The following USP32 variants were observed in gnomAD, a reference collection of about 807,000 sequenced individuals.
USP32 encodes ubiquitin specific peptidase 32.
USP32 carries 59 observed loss-of-function variants against 204.8 expected under a neutral mutation model. The ratio of observed to expected loss-of-function variants is 0.29; its 90% confidence interval spans 0.23 to 0.36. The LOEUF (loss-of-function observed/expected upper bound fraction) is 0.36. USP32 is among the 10% of genes least tolerant of loss of function. The pLI is 1.00. For missense variants in USP32, 1,160 were observed against 1,946.4 expected (o/e 0.60, Z 7.60); for synonymous variants, 517 against 678.4 (o/e 0.76, Z 3.70).
chr17:60,249,763 T>C (rs2086120845), intron 11 of USP32: 1 of 700,946 alleles, frequency 1.4e-6, no homozygotes, highest in Non-Finnish European at 2.6e-6. Context: ...CCTGAAATGG[T>C]TGTTTGACAA....
intron 6 of USP32, 103 bp downstream of exon 6, chr17:60,271,247 T>C (rs1598174531): frequency 1.0e-5 from 15 of 1,432,578 alleles, no homozygotes; most frequent in Admixed American, 2.2e-5. Context: ...TGCAAACATA[T>C]GAGAAGATGG....
Position 60,391,862 on chromosome 17 carries a change from C to T in USP32, c.58+20G>A, listed in dbSNP as rs753162595. 1.2e-6 allele frequency: 2 copies of T among 1,604,474 alleles called. 1 individual carries two copies. Among genetic ancestry groups the T allele is most frequent in the South Asian group, 2.2e-5 (2 of 89,490 alleles). ...GTCGCGGGCCTCCCAGGCAGCTCGC[C>T]CAGACCCCTCCCCCCTCACCTCTCC... is the stretch of plus-strand genomic sequence containing the variant. On this transcript the variant is annotated intron_variant, in intron 1 of 33. Coordinates refer to ENST00000300896, the MANE Select transcript of USP32 (RefSeq NM_032582.4).
At chr17:60,249,013 T>C (rs1464115422) in intron 11 of USP32, 12 of 152,230 alleles carry the variant, frequency 7.9e-5, no homozygotes, top group Admixed American at 7.9e-4. Context: ...TATCTTCCGG[T>C]ACAGTATCTT....
At chr17:60,370,317 G>A (rs1251561940) in intron 1 of USP32, among the ~76,000 whole-genome samples, 1 of 151,684 alleles carries the variant, frequency 6.6e-6, no homozygotes, top group Non-Finnish European at 1.5e-5. Context: ...ACCAAAAATG[G>A]GAAAGGTTCT....
chr17:60,413,505 A>T (rs1326643843), intron 1 of USP32, among the ~76,000 whole-genome samples: 1 of 152,148 alleles, frequency 6.6e-6, no homozygotes, highest in Non-Finnish European at 1.5e-5. Context: ...CAGGTGGATT[A>T]AAAAAATTTT....
chr17:60,389,593 T>C (rs1598310396), intron 1 of USP32, among the ~76,000 whole-genome samples: 1 of 143,354 alleles, frequency 7.0e-6, no homozygotes, highest in East Asian at 1.9e-4. Flanking sequence ...AATTCTATAT[T>C]AAAGTCTGAC....
chr17:60,266,203 TATTCTGGAACAGTTCTC>T (rs1598166538), intron 7 of USP32, 112 bp from the exon 8 acceptor site: 1 of 740,252 alleles, frequency 1.4e-6, no homozygotes, highest in East Asian at 2.6e-5. Context: ...CAAGTATATG[TATTCTGGAACAGTTCTC>T]ATCTGTAATA....
intron 12 of USP32, 119 bp from the exon 13 acceptor site, chr17:60,226,350 A>G (rs2085387638): frequency 1.2e-6 from 1 of 842,762 alleles, no homozygotes; most frequent in African/African-American, 1.8e-5. Context: ...GGCCACAGAC[A>G]TTTAAAAACA....
At chr17:60,312,102 T>C (rs149731162) in intron 2 of USP32, among the ~76,000 whole-genome samples, 2 of 152,334 alleles carry the variant, frequency 1.3e-5, no homozygotes, top group Non-Finnish European at 2.9e-5. Flanking sequence ...TGGGCCTTAG[T>C]TGCAGTCCAT....
chr17:60,272,226 T>A (rs907730770), intron 5 of USP32, among the ~76,000 whole-genome samples: 5 of 152,198 alleles, frequency 3.3e-5, no homozygotes, highest in African/African-American at 1.2e-4. Context: ...ATTCATCCTG[T>A]CAATACAATT....
At chr17:60,230,135 T>C (rs763203159) in intron 12 of USP32, among the ~76,000 whole-genome samples, 3 of 152,300 alleles carry the variant, frequency 2.0e-5, no homozygotes, top group Middle Eastern at 3.4e-3. Context: ...TCTAAAAAAT[T>C]TGTAGTAATA....
At chr17:60,292,381 G>A (rs991238100) in intron 4 of USP32, among the ~76,000 whole-genome samples, 10 of 152,036 alleles carry the variant, frequency 6.6e-5, no homozygotes, top group Non-Finnish European at 1.5e-4. Context: ...AATCACATCT[G>A]ACAACTCCAC....
chr17:60,265,243 A>T (rs1334103490), intron 9 of USP32, among the ~76,000 whole-genome samples, 169 bp downstream of exon 9: 1 of 152,202 alleles, frequency 6.6e-6, no homozygotes, highest in Non-Finnish European at 1.5e-5. Context: ...TTGCTTAAAG[A>T]TGGAATGGCT....
chr17:60,248,627 G>T (rs1033355757), intron 11 of USP32, among the ~76,000 whole-genome samples: 1 of 152,038 alleles, frequency 6.6e-6, no homozygotes, highest in South Asian at 2.1e-4. Flanking sequence ...ACTCAAATCT[G>T]CTAGAATTTC....
chr17:60,195,001 T>G (rs1169221587), intron 27 of USP32, among the ~76,000 whole-genome samples: 1 of 152,174 alleles, frequency 6.6e-6, no homozygotes, highest in African/African-American at 2.4e-5. Flanking sequence ...AACTATACAA[T>G]GAACATCCCA....
chr17:60,374,277 T>C (rs571748141), intron 1 of USP32, among the ~76,000 whole-genome samples: 3 of 152,282 alleles, frequency 2.0e-5, no homozygotes, highest in Admixed American at 6.5e-5. Context: ...CCTTCACGTA[T>C]TGTCCCACTG....
At chr17:60,309,242 C>G (rs1178842960) in intron 2 of USP32, among the ~76,000 whole-genome samples, 2 of 152,048 alleles carry the variant, frequency 1.3e-5, no homozygotes, top group Non-Finnish European at 2.9e-5. Context: ...ACCCATCTTA[C>G]AAGGGATTAA....
intron 1 of USP32, among the ~76,000 whole-genome samples, chr17:60,386,541 A>G (rs893428158): frequency 6.6e-6 from 1 of 152,266 alleles, no homozygotes; most frequent in South Asian, 2.1e-4. Flanking sequence ...CAGTGCCAAA[A>G]ATCTTCCTTT....
At chr17:60,185,840 T>C in intron 29 of USP32, 189 bp from the exon 30 acceptor site, 1 of 595,986 alleles carries the variant, frequency 1.7e-6, no homozygotes, top group Non-Finnish European at 2.7e-6. Flanking sequence ...GGTGGGGTAA[T>C]TGCTTGAGTC....
Sources: gnomAD v4.1 joint callset for allele counts (sites outside exome capture counted in the v4.1 genomes callset) on GRCh38, gnomAD v4.1.1 for gene constraint, MANE v1.5 for transcripts, NCBI Gene and HGNC (gene_info 2026-07-23, HGNC 2026-07-21) for gene names.